COL8A1: variants seen among roughly 807,000 people sequenced by gnomAD.
COL8A1 encodes the protein collagen type VIII alpha 1 chain.
A neutral mutation model predicts 42.7 loss-of-function variants in COL8A1; 21 were observed. The observed-to-expected ratio is 0.49, with a 90% CI of 0.35 to 0.71. COL8A1 has a LOEUF of 0.71. Among genes scored for constraint, COL8A1 ranks in the 30% least tolerant of loss-of-function variants. The pLI, the probability that COL8A1 is intolerant of heterozygous loss-of-function variation, is 0.01. For missense variants in COL8A1, 788 were observed against 962.4 expected, an observed-to-expected ratio of 0.82 and a Z score of 2.40; for synonymous variants, 367 against 369.1, an observed-to-expected ratio of 0.99 and a Z score of 0.06.
chr3:99,794,196 C>T lies in COL8A1; in HGVS notation c.329-34C>T, dbSNP rs762069157. ...CTACTAATCAATCTCTCTCTCTCCCCCCATACCCCTTCTCTCTCTTCTCTT... is the reference window on the plus strand; with the variant it reads ...CTACTAATCAATCTCTCTCTCTCCCTCCATACCCCTTCTCTCTCTTCTCTT... On this transcript the variant is annotated intron_variant, in intron 3 of 3. Transcript: ENST00000652472. This position sits in a 1 kb window ranked among gnomAD's most constrained non-coding sequence, Gnocchi z 4.3. 2 of 1,393,346 alleles carry T rather than the reference C, an allele frequency of 1.4e-6. No individual in the cohort carries two copies. The highest frequency in any genetic ancestry group is 1.9e-4 in the Middle Eastern group (1 of 5,364). The allele number at this position is 1,393,346 out of a possible 1,614,324, so 86.3% of individuals were successfully genotyped here. A position where few individuals can be genotyped will look rare whatever the true frequency, so the allele number is the denominator to read the frequency against.
At chr3:99,754,900 TG>T (rs2107417622) in intron 2 of COL8A1, among the ~76,000 whole-genome samples, 1 of 152,330 alleles carries the variant, frequency 6.6e-6, no homozygotes, top group Non-Finnish European at 1.5e-5. Context: ...CACCTGTATA[TG>T]TGTAACATGC....
rs1293390849 is a variant in COL8A1 at position 99,798,323 on chromosome 3, C to G, written c.*2187C>G. ...CCTTTGTTTTCAAAGCAGACAGCAT[C>G]TATGTGGCCAAATATACTTTGGGTT... On this transcript the variant is annotated 3_prime_UTR_variant, in exon 4 of 4. Coordinates refer to ENST00000652472, the MANE Select transcript of COL8A1 (RefSeq NM_020351.4). 6.6e-6 allele frequency: 1 copy of G among 152,166 alleles called. No homozygotes were observed. Among genetic ancestry groups the G allele is most frequent in the Admixed American group, 6.5e-5 (1 of 15,278 alleles). 9.4% of individuals were successfully genotyped at this position (152,166 alleles called of 1,614,324 possible). A position where few individuals can be genotyped will look rare whatever the true frequency, so the allele number is the denominator to read the frequency against.
chr3:99,689,373 CT>C (rs1939151868), intron 1 of COL8A1, among the ~76,000 whole-genome samples: 1 of 152,174 alleles, frequency 6.6e-6, no homozygotes, highest in East Asian at 1.9e-4. Context: ...GTCATACTGT[CT>C]TTGTTTCCAC....
intron 1 of COL8A1, among the ~76,000 whole-genome samples, chr3:99,704,915 G>A (rs1176251883): frequency 1.3e-5 from 2 of 152,114 alleles, no homozygotes; most frequent in African/African-American, 2.4e-5. Context: ...CCATGAACAG[G>A]GTGGCAGACC....
chr3:99,746,123 T>A (rs1941020497), intron 2 of COL8A1, among the ~76,000 whole-genome samples: 1 of 152,194 alleles, frequency 6.6e-6, no homozygotes. Flanking sequence ...CTATCATTAA[T>A]CCCTCATTGA....
intron 2 of COL8A1, among the ~76,000 whole-genome samples, chr3:99,752,782 G>A (rs1941179555): frequency 1.3e-5 from 2 of 150,188 alleles, no homozygotes; most frequent in African/African-American, 4.9e-5. Flanking sequence ...TCATAGAAAT[G>A]TCTATTGAAA....
intron 1 of COL8A1, among the ~76,000 whole-genome samples, chr3:99,735,167 G>T (rs1327509230): frequency 1.4e-5 from 2 of 139,220 alleles, no homozygotes; most frequent in African/African-American, 2.8e-5. Flanking sequence ...AATTGCCCTG[G>T]CCAGAACTTC....
intron 1 of COL8A1, among the ~76,000 whole-genome samples, chr3:99,725,436 T>A (rs916572294): frequency 2.0e-5 from 3 of 152,126 alleles, no homozygotes; most frequent in African/African-American, 7.2e-5. Flanking sequence ...ATTATATACT[T>A]TAAGTTTTAG....
At chr3:99,647,178 A>G (rs1344143215) in intron 1 of COL8A1, among the ~76,000 whole-genome samples, 1 of 152,172 alleles carries the variant, frequency 6.6e-6, no homozygotes, top group Admixed American at 6.5e-5. Flanking sequence ...TGTTCCTTAA[A>G]CATTTGATGA....
chr3:99,720,099 C>A (rs1940108544), intron 1 of COL8A1, among the ~76,000 whole-genome samples: 1 of 152,106 alleles, frequency 6.6e-6, no homozygotes, highest in African/African-American at 2.4e-5. Context: ...ACCTTATGAA[C>A]CCATACTCTG....
chr3:99,729,259 T>A (rs12107242), intron 1 of COL8A1, among the ~76,000 whole-genome samples: 33,114 of 151,850 alleles, frequency 0.22, 4,226 homozygotes, highest in African/African-American at 0.34. Context: ...TGATGTTGCT[T>A]TTTCTCAAAT....
In COL8A1 at chr3:99,672,787, G is replaced by C. The variant is rs114392756; in HGVS notation, c.-129+34123G>C. 6.2e-3 allele frequency among the ~76,000 whole-genome samples: 940 copies of C among 152,096 alleles called. 5 individuals carry two copies. Among genetic ancestry groups the C allele is most frequent in the Middle Eastern group, 0.02 (6 of 294 alleles). ...TCTATGAGCTCATCTTCAGAGAGTT[G>C]TCTCACACCTGTATGCTGATTATTC... On this transcript the variant is annotated intron_variant, in intron 1 of 3. Coordinates refer to ENST00000652472, the MANE Select transcript of COL8A1 (RefSeq NM_020351.4).
At chr3:99,709,358 T>TCCCTGTCTAA (rs1379720548) in intron 1 of COL8A1, among the ~76,000 whole-genome samples, 1 of 152,136 alleles carries the variant, frequency 6.6e-6, no homozygotes, top group African/African-American at 2.4e-5. Context: ...CCTTCCATAG[T>TCCCTGTCTAA]CCCTGTCTAA....
intron 1 of COL8A1, among the ~76,000 whole-genome samples, chr3:99,660,408 T>C (rs1435600266): frequency 6.6e-6 from 1 of 152,186 alleles, no homozygotes; most frequent in Non-Finnish European, 1.5e-5. Context: ...CTTTTCTCAA[T>C]TGCAGTGACA....
At chr3:99,694,186 G>A (rs1293617211) in intron 1 of COL8A1, among the ~76,000 whole-genome samples, 1 of 152,068 alleles carries the variant, frequency 6.6e-6, no homozygotes, top group African/African-American at 2.4e-5. Context: ...ATTGTACTTA[G>A]AACAAAGAAA....
intron 1 of COL8A1, among the ~76,000 whole-genome samples, chr3:99,673,719 T>C (rs1207710408): frequency 1.3e-5 from 2 of 152,058 alleles, no homozygotes; most frequent in East Asian, 1.9e-4. Flanking sequence ...GCCATTTTAA[T>C]AGAGGTAGCA....
intron 1 of COL8A1, among the ~76,000 whole-genome samples, chr3:99,684,795 G>C: frequency 6.6e-6 from 1 of 152,146 alleles, no homozygotes; most frequent in Admixed American, 6.5e-5. Context: ...AAAAGGCACT[G>C]GGAAGAAGAG....
At chr3:99,737,122 G>A (rs1276612278) in intron 1 of COL8A1, among the ~76,000 whole-genome samples, 1 of 152,140 alleles carries the variant, frequency 6.6e-6, no homozygotes, top group Non-Finnish European at 1.5e-5. Context: ...GAGCCTATGT[G>A]TGTCTCTGCA....
intron 2 of COL8A1, among the ~76,000 whole-genome samples, chr3:99,745,470 T>C (rs1266841330): frequency 6.6e-6 from 1 of 152,132 alleles, no homozygotes. Context: ...AATGGGAAAA[T>C]TAAAATAATC....
Sources: allele counts gnomAD v4.1 joint callset (sites outside exome capture counted in the v4.1 genomes callset), GRCh38; gene constraint gnomAD v4.1.1; non-coding constraint Gnocchi (gnomAD v3.1); transcripts MANE v1.5; gene names NCBI Gene and HGNC (gene_info 2026-07-23, HGNC 2026-07-21).